Variants in PLCL1 observed in about 807,000 individuals in gnomAD.
PLCL1 encodes phospholipase C like 1 (inactive).
PLCL1 carries 41 observed loss-of-function variants against 84.4 expected under a neutral mutation model. The observed-to-expected ratio is 0.49, with a 90% CI of 0.38 to 0.63. The LOEUF (loss-of-function observed/expected upper bound fraction) is 0.63, where lower values mean the gene tolerates loss of function less well. PLCL1 is among the 30% of genes least tolerant of loss of function. The pLI, the probability that PLCL1 is intolerant of heterozygous loss-of-function variation, is 0.00. For missense variants in PLCL1, 1,206 were observed against 1,367.8 expected, an observed-to-expected ratio of 0.88 and a Z score of 1.87; for synonymous variants, 490 against 488.3, an observed-to-expected ratio of 1.00 and a Z score of -0.05.
intron 1 of PLCL1, among the ~76,000 whole-genome samples, chr2:197,825,233 T>A (rs149517013): frequency 1.1e-3 from 160 of 152,332 alleles, no homozygotes; most frequent in African/African-American, 3.6e-3. Context: ...TTGGCTGTAA[T>A]CTTTGTGCAA....
At chr2:198,033,373 C>A (rs1157760628) in intron 1 of PLCL1, among the ~76,000 whole-genome samples, 1 of 152,202 alleles carries the variant, frequency 6.6e-6, no homozygotes, top group Admixed American at 6.5e-5. Flanking sequence ...TGCCCCCTCA[C>A]TGGAGGGAAC....
intron 5 of PLCL1, among the ~76,000 whole-genome samples, chr2:198,114,819 A>G (rs1693702646): frequency 1.5e-5 from 2 of 131,884 alleles, no homozygotes; most frequent in South Asian, 4.7e-4. Flanking sequence ...GTGCATATAT[A>G]TATCTATATA....
intron 5 of PLCL1, among the ~76,000 whole-genome samples, chr2:198,104,289 G>C (rs553928581): frequency 6.6e-6 from 1 of 151,948 alleles, no homozygotes. Context: ...AGAATATATA[G>C]TATTTGGTTT....
chr2:198,045,541 A>G (rs1200869262), intron 1 of PLCL1, among the ~76,000 whole-genome samples: 1 of 152,198 alleles, frequency 6.6e-6, no homozygotes, highest in African/African-American at 2.4e-5. Flanking sequence ...ATCTTGTTTT[A>G]TAGAATTTCC....
chr2:198,127,466 C>T (rs1358338916), intron 5 of PLCL1, among the ~76,000 whole-genome samples: 4 of 151,992 alleles, frequency 2.6e-5, no homozygotes, highest in South Asian at 2.1e-4. Context: ...CATAGTTTTA[C>T]GTTACCATTT....
intron 1 of PLCL1, among the ~76,000 whole-genome samples, chr2:197,858,176 C>A (rs113605430): frequency 0.015 from 2,259 of 152,146 alleles, 63 homozygotes; most frequent in African/African-American, 0.052. Flanking sequence ...GGGAGGTAGC[C>A]TGGGTATTGC....
intron 1 of PLCL1, among the ~76,000 whole-genome samples, chr2:197,983,190 CTTTTCTTTTCT>C (rs1690148898): frequency 3.0e-5 from 2 of 66,068 alleles, no homozygotes; most frequent in African/African-American, 1.1e-4. Context: ...TTTTCTTTTT[CTTTTCTTTTCT>C]TTTTTTTTTT....
intron 1 of PLCL1, among the ~76,000 whole-genome samples, chr2:197,962,230 A>G (rs1689637367): frequency 6.6e-6 from 1 of 152,106 alleles, no homozygotes; most frequent in South Asian, 2.1e-4. Flanking sequence ...CAGCATACCT[A>G]TGAGCAGACT....
At chr2:197,944,317 A>G (rs564360875) in intron 1 of PLCL1, among the ~76,000 whole-genome samples, 1 of 152,288 alleles carries the variant, frequency 6.6e-6, no homozygotes, top group African/African-American at 2.4e-5. Flanking sequence ...GGTTGAAGGA[A>G]CTTAGTGATC....
intron 1 of PLCL1, among the ~76,000 whole-genome samples, chr2:198,047,478 A>G (rs2105865164): frequency 6.6e-6 from 1 of 152,238 alleles, no homozygotes; most frequent in African/African-American, 2.4e-5. Flanking sequence ...CACCACGCCC[A>G]GCCAAAAGAT....
intron 1 of PLCL1, among the ~76,000 whole-genome samples, chr2:198,051,265 GA>G (rs1194906857): frequency 6.6e-6 from 1 of 151,952 alleles, no homozygotes; most frequent in Non-Finnish European, 1.5e-5. Flanking sequence ...AGAGGATTGA[GA>G]AAAAAACTTT....
chr2:197,959,389 A>G (rs1008554227), intron 1 of PLCL1, among the ~76,000 whole-genome samples: 2 of 152,006 alleles, frequency 1.3e-5, no homozygotes, highest in African/African-American at 4.8e-5. Flanking sequence ...ACCTACCCAC[A>G]TTGTGGACGG....
intron 1 of PLCL1, among the ~76,000 whole-genome samples, chr2:197,848,804 G>A (rs182872497): frequency 1.3e-5 from 2 of 152,152 alleles, no homozygotes; most frequent in Non-Finnish European, 2.9e-5. Flanking sequence ...AAGTGATGGT[G>A]TCTGGAGCCA....
chr2:198,031,699 C>A (rs1163843902), intron 1 of PLCL1, among the ~76,000 whole-genome samples: 1 of 137,976 alleles, frequency 7.2e-6, no homozygotes, highest in Non-Finnish European at 1.6e-5. Context: ...TCTTACACAT[C>A]ACTTTTGTTT....
intron 1 of PLCL1, among the ~76,000 whole-genome samples, chr2:198,010,718 A>C (rs1690848845): frequency 6.6e-6 from 1 of 151,632 alleles, no homozygotes; most frequent in Admixed American, 6.6e-5. Flanking sequence ...TTTGAGGAGG[A>C]TTGGTAATCA....
intron 5 of PLCL1, among the ~76,000 whole-genome samples, chr2:198,112,630 T>C (rs1230674882): frequency 6.6e-6 from 1 of 151,888 alleles, no homozygotes; most frequent in Non-Finnish European, 1.5e-5. Context: ...CTAGGCAACA[T>C]TTACTTCTTC....
intron 1 of PLCL1, among the ~76,000 whole-genome samples, chr2:197,989,206 T>G (rs764878094): frequency 9.2e-5 from 14 of 152,218 alleles, no homozygotes; most frequent in Non-Finnish European, 1.8e-4. Flanking sequence ...TAATTATTTA[T>G]AGAAGTTTGC....
chr2:198,004,917 A>G (rs915926499), intron 1 of PLCL1, among the ~76,000 whole-genome samples: 1 of 152,210 alleles, frequency 6.6e-6, no homozygotes, highest in Admixed American at 6.5e-5. Flanking sequence ...AAAAGGTCCA[A>G]CTTAGCCAAT....
intron 1 of PLCL1, among the ~76,000 whole-genome samples, chr2:197,959,547 G>C (rs1198934451): frequency 6.6e-6 from 1 of 151,996 alleles, no homozygotes; most frequent in Non-Finnish European, 1.5e-5. Context: ...ACCAGGGATT[G>C]GGCCAGATGG....
Sources: gnomAD v4.1 joint callset for allele counts (sites outside exome capture counted in the v4.1 genomes callset) on GRCh38, gnomAD v4.1.1 for gene constraint, MANE v1.5 for transcripts, NCBI Gene and HGNC (gene_info 2026-07-23, HGNC 2026-07-21) for gene names.